CADPS: variants seen among roughly 807,000 people sequenced by gnomAD.
The protein encoded by CADPS is calcium-dependent secretion activator 1.
A neutral mutation model predicts 167.3 loss-of-function variants in CADPS; 57 were observed. The observed-to-expected ratio is 0.34, with a 90% CI of 0.28 to 0.42. CADPS has a LOEUF of 0.42. CADPS is among the 20% of genes least tolerant of loss of function. The pLI is 1.00. For synonymous variants in CADPS, 676 were observed against 635.3 expected (o/e 1.06, Z -0.96); for missense variants, 1,414 against 1,738.1 (o/e 0.81, Z 3.32).
chr3:62,665,086 G>T (rs1160111536), intron 3 of CADPS, among the ~76,000 whole-genome samples: 2 of 152,278 alleles, frequency 1.3e-5, no homozygotes, highest in South Asian at 4.1e-4. Context: ...ATTTATTGAT[G>T]CCTGTACCAA....
chr3:62,720,701 C>G (rs1281600990), intron 3 of CADPS, among the ~76,000 whole-genome samples: 1 of 151,550 alleles, frequency 6.6e-6, no homozygotes, highest in Non-Finnish European at 1.5e-5. Context: ...GGAAGCCAAG[C>G]AAATTATGCA....
chr3:62,831,058 T>G (rs1336941076), intron 1 of CADPS, among the ~76,000 whole-genome samples: 1 of 152,174 alleles, frequency 6.6e-6, no homozygotes, highest in Non-Finnish European at 1.5e-5. Context: ...GAAATTTGCT[T>G]GATAATAAAT....
At chr3:62,693,082 G>A (rs1013008466) in intron 3 of CADPS, among the ~76,000 whole-genome samples, 10 of 151,630 alleles carry the variant, frequency 6.6e-5, no homozygotes, top group African/African-American at 1.2e-4. Context: ...ACAATTTCTC[G>A]TCCCTCTCTC....
chr3:62,657,005 G>A (rs1037136944), intron 4 of CADPS, among the ~76,000 whole-genome samples: 1 of 152,086 alleles, frequency 6.6e-6, no homozygotes, highest in African/African-American at 2.4e-5. Flanking sequence ...TAACTGTTCA[G>A]GCAACAAGTT....
intron 3 of CADPS, among the ~76,000 whole-genome samples, chr3:62,683,871 G>A (rs1228787629): frequency 2.0e-5 from 3 of 151,954 alleles, no homozygotes; most frequent in African/African-American, 7.3e-5. Flanking sequence ...ATGGGTTTGG[G>A]GGATGAAGAC....
chr3:62,525,763 T>C (rs2071997769), intron 13 of CADPS, among the ~76,000 whole-genome samples: 1 of 150,070 alleles, frequency 6.7e-6, no homozygotes, highest in South Asian at 2.1e-4. Flanking sequence ...GAGGACGGAG[T>C]TAGAGTGAAA....
chr3:62,515,307 G>A (rs1316836799), intron 16 of CADPS, among the ~76,000 whole-genome samples: 4 of 152,038 alleles, frequency 2.6e-5, no homozygotes. Context: ...GTTGGGTGTG[G>A]CTTTCAAATC....
At chr3:62,670,167 A>G (rs978545244) in intron 3 of CADPS, among the ~76,000 whole-genome samples, 1 of 152,182 alleles carries the variant, frequency 6.6e-6, no homozygotes, top group Non-Finnish European at 1.5e-5. Context: ...GACTATTGTA[A>G]TGATGACAAT....
At chr3:62,482,473 T>C (rs1450146103) in intron 21 of CADPS, among the ~76,000 whole-genome samples, 1 of 152,232 alleles carries the variant, frequency 6.6e-6, no homozygotes. Flanking sequence ...GGTGAAATTA[T>C]GAAATTGTAT....
In CADPS at chr3:62,399,473, C is replaced by T; in HGVS notation, c.3995G>A (p.Ser1332Asn). ...LTVEEATASV[S>N]EGGGLQGISM... ...GATGCCCTGCAGTCCCCCACCTTCA[C>T]TCACTGATGCTGTGGCTTCCTCCAC... The change falls in exon 30 of 30, where the codon AGT (serine) becomes AAT (asparagine). Residue 1332 changes from serine (S) to asparagine (N), a missense_variant. By Grantham distance (46) the Ser-to-Asn change is conservative. This residue lies in a region of CADPS where 185 missense variants were observed against 251.5 expected (regional missense o/e 0.74). Coordinates refer to ENST00000383710, the MANE Select transcript of CADPS (RefSeq NM_003716.4). The surrounding 1 kb of genome is among the most constrained non-coding windows in gnomAD (Gnocchi z 5.6). 6.2e-7 allele frequency: 1 copy of T among 1,614,202 alleles called. No individual in the cohort carries two copies. The highest frequency in any genetic ancestry group is 8.5e-7 in the Non-Finnish European group (1 of 1,180,006).
chr3:62,582,163 C>T (rs780159353), intron 8 of CADPS, among the ~76,000 whole-genome samples: 31 of 152,150 alleles, frequency 2.0e-4, no homozygotes, highest in South Asian at 8.3e-4. Flanking sequence ...ATTGCTTTTT[C>T]GGCAGGGCGC....
intron 1 of CADPS, among the ~76,000 whole-genome samples, chr3:62,782,561 C>T (rs2091833885): frequency 6.6e-6 from 1 of 152,148 alleles, no homozygotes; most frequent in African/African-American, 2.4e-5. Flanking sequence ...CACCAAAGGG[C>T]AAAATGGCTT....
intron 6 of CADPS, among the ~76,000 whole-genome samples, chr3:62,598,247 G>A (rs995907871): frequency 6.6e-6 from 1 of 152,156 alleles, no homozygotes; most frequent in South Asian, 2.1e-4. Flanking sequence ...AGCTGGCTCT[G>A]ATCCAATGTC....
chr3:62,417,128 C>T (rs935489829), intron 28 of CADPS, among the ~76,000 whole-genome samples: 1 of 152,166 alleles, frequency 6.6e-6, no homozygotes, highest in African/African-American at 2.4e-5. Context: ...ATACTCTATG[C>T]TGTACTCTGT....
intron 1 of CADPS, among the ~76,000 whole-genome samples, chr3:62,776,537 T>C (rs950287144): frequency 6.6e-6 from 1 of 152,010 alleles, no homozygotes; most frequent in African/African-American, 2.4e-5. Flanking sequence ...GCCTGTAGTC[T>C]CAGCTACTTG....
chr3:62,646,602 C>G (rs1217324379), intron 5 of CADPS, among the ~76,000 whole-genome samples: 1 of 152,176 alleles, frequency 6.6e-6, no homozygotes, highest in East Asian at 1.9e-4. Context: ...AGGGCAAGTA[C>G]TATTCAGCAT....
At chr3:62,706,547 A>C (rs906735570) in intron 3 of CADPS, among the ~76,000 whole-genome samples, 2 of 152,126 alleles carry the variant, frequency 1.3e-5, no homozygotes, top group Non-Finnish European at 2.9e-5. Context: ...CTGGGCTGGA[A>C]GTCCAAGATC....
chr3:62,422,666 C>T (rs2051700023), intron 28 of CADPS, among the ~76,000 whole-genome samples: 2 of 152,094 alleles, frequency 1.3e-5, no homozygotes, highest in East Asian at 3.9e-4. Context: ...GGATAATGAC[C>T]ACGTAATGAT....
At chr3:62,810,949 C>A (rs1280723830) in intron 1 of CADPS, among the ~76,000 whole-genome samples, 1 of 152,206 alleles carries the variant, frequency 6.6e-6, no homozygotes, top group Non-Finnish European at 1.5e-5. Context: ...GAACCTGATA[C>A]AAAATCCAAA....
Sources: allele counts gnomAD v4.1 joint callset (sites outside exome capture counted in the v4.1 genomes callset), GRCh38; gene constraint gnomAD v4.1.1; regional missense constraint gnomAD v4.1.1; non-coding constraint Gnocchi (gnomAD v3.1); transcripts MANE v1.5; gene names NCBI Gene and HGNC (gene_info 2026-07-23, HGNC 2026-07-21).